Variants in COLEC10 observed in about 807,000 individuals in gnomAD.
The protein encoded by COLEC10 is collectin subfamily member 10.
In COLEC10, 22 loss-of-function variants were observed where a neutral mutation model predicts 28.4. The ratio of observed to expected loss-of-function variants is 0.78; its 90% CI spans 0.55 to 1.11. COLEC10 has a LOEUF of 1.11. Among genes scored for constraint, COLEC10 ranks in the 50% least tolerant of loss-of-function variants. The pLI is 0.00. For synonymous variants in COLEC10, 125 were observed against 116.1 expected (o/e 1.08, Z -0.49); for missense variants, 361 against 344.1 (o/e 1.05, Z -0.39).
intron 2 of COLEC10, among the ~76,000 whole-genome samples, chr8:119,024,259 C>T (rs1450024317): frequency 1.3e-5 from 2 of 152,034 alleles, no homozygotes; most frequent in Admixed American, 1.3e-4. Flanking sequence ...GAGGCCTTCG[C>T]TCTTGCCGTT....
chr8:119,044,603 G>C (rs1814555591), intron 2 of COLEC10, among the ~76,000 whole-genome samples: 1 of 152,132 alleles, frequency 6.6e-6, no homozygotes, highest in Non-Finnish European at 1.5e-5. Flanking sequence ...CCAGCACTTT[G>C]GGAGGCCAGC....
chr8:119,102,221 TCCCTC>T, intron 3 of COLEC10, 122 bp from the exon 4 acceptor site: 3 of 168,938 alleles, frequency 1.8e-5, no homozygotes, highest in South Asian at 1.2e-4. Context: ...CCTCCCTCCC[TCCCTC>T]CCTCCCTCCC....
At chr8:118,974,073 C>A in the COLEC10 span, among the ~76,000 whole-genome samples, 2 of 151,902 alleles carry the variant, frequency 1.3e-5, no homozygotes, top group Non-Finnish European at 2.9e-5. Flanking sequence ...TTAATTCAGG[C>A]TTTTGCTCCA....
chr8:118,976,321 A>T, the COLEC10 span, among the ~76,000 whole-genome samples: 1 of 152,038 alleles, frequency 6.6e-6, no homozygotes, highest in African/African-American at 2.4e-5. Flanking sequence ...CCTGCATCCT[A>T]GTCCTAGAGT....
chr8:118,989,577 A>ACACC, the COLEC10 span, among the ~76,000 whole-genome samples: 57 of 137,462 alleles, frequency 4.1e-4, no homozygotes, highest in African/African-American at 8.1e-4. Context: ...ACACACACAC[A>ACACC]CCCCTACCTA....
chr8:119,056,414 T>A (rs936650709), intron 2 of COLEC10, among the ~76,000 whole-genome samples: 1 of 152,078 alleles, frequency 6.6e-6, no homozygotes, highest in Non-Finnish European at 1.5e-5. Flanking sequence ...TTGATTAACT[T>A]AACTGTCTTG....
chr8:119,007,142 C>T (rs1260211498), intron 1 of COLEC10, among the ~76,000 whole-genome samples: 5 of 152,102 alleles, frequency 3.3e-5, no homozygotes, highest in African/African-American at 4.8e-5. Flanking sequence ...CTAGGAATAT[C>T]GCCAAACCAC....
chr8:118,993,326 T>C (rs1586986366), upstream of COLEC10, among the ~76,000 whole-genome samples: 2 of 152,120 alleles, frequency 1.3e-5, no homozygotes, highest in Admixed American at 1.3e-4. Context: ...ATCTTTCTTC[T>C]TCTTGTTTTT....
chr8:119,103,951 C>T, intron 5 of COLEC10, 56 bp downstream of exon 5: 2 of 1,112,676 alleles, frequency 1.8e-6, no homozygotes, highest in Non-Finnish European at 2.8e-6. Context: ...ATCAACACTA[C>T]AATTCCAGTA....
chr8:118,984,659 A>G, the COLEC10 span, among the ~76,000 whole-genome samples: 4 of 152,106 alleles, frequency 2.6e-5, no homozygotes, highest in East Asian at 7.7e-4. Context: ...GATTGGACTG[A>G]TGTGTCTATA....
At chr8:119,072,895 A>C (rs1038188335) in intron 1 of COLEC10, among the ~76,000 whole-genome samples, 3 of 152,234 alleles carry the variant, frequency 2.0e-5, no homozygotes, top group Non-Finnish European at 4.4e-5. Context: ...CTATTTGGCC[A>C]TCCACTATTT....
At position 119,103,804 on chromosome 8, in the gene COLEC10, T is replaced by A. The variant is rs768505031; in HGVS notation, c.351T>A (p.Thr117=). Residue 117 remains threonine, a synonymous_variant, in exon 5 of 6, where the codon ACT becomes ACA. Coordinates refer to ENST00000332843, the MANE Select transcript of COLEC10 (RefSeq NM_006438.5). ...ACAGTTTTTGTCATTTAAAAGGTAC[T>A]GTCTGTGATTGTGGAAGATACCGGA... The part of the protein sequence containing the change: ...GIPGEKGKAG[T]VCDCGRYRKF... 5.6e-6 allele frequency: 9 copies of A among 1,604,078 alleles called. No homozygotes were observed. The East Asian group carries it at 2.0e-4, about 36-fold the overall frequency.
intron 2 of COLEC10, among the ~76,000 whole-genome samples, chr8:119,021,315 T>C (rs1428560582): frequency 6.6e-6 from 1 of 152,204 alleles, no homozygotes; most frequent in Non-Finnish European, 1.5e-5. Flanking sequence ...AAACATTTCT[T>C]AAAGGGCTGT....
intron 2 of COLEC10, among the ~76,000 whole-genome samples, chr8:119,059,066 A>G (rs1814809836): frequency 6.6e-6 from 1 of 151,998 alleles, no homozygotes; most frequent in Non-Finnish European, 1.5e-5. Flanking sequence ...CCATTTAAAA[A>G]TTTTGCCCAT....
chr8:119,087,030 A>C (rs1410974523), intron 1 of COLEC10, among the ~76,000 whole-genome samples: 1 of 152,194 alleles, frequency 6.6e-6, no homozygotes, highest in African/African-American at 2.4e-5. Flanking sequence ...AAAATGGAGC[A>C]AAGGATAGTA....
the COLEC10 span, among the ~76,000 whole-genome samples, chr8:118,982,030 T>A: frequency 6.6e-6 from 1 of 152,086 alleles, no homozygotes; most frequent in African/African-American, 2.4e-5. Flanking sequence ...GATAGTTTTA[T>A]TGTTAATTAT....
chr8:119,093,804 G>A (rs1815658322), intron 3 of COLEC10, among the ~76,000 whole-genome samples: 1 of 152,090 alleles, frequency 6.6e-6, no homozygotes, highest in South Asian at 2.1e-4. Context: ...TTTTAAAAGA[G>A]TACAATTCCA....
intron 1 of COLEC10, among the ~76,000 whole-genome samples, chr8:119,089,042 G>A (rs572457220): frequency 5.9e-4 from 90 of 152,246 alleles, no homozygotes; most frequent in South Asian, 1.9e-3. Flanking sequence ...CTCAATCACC[G>A]GCCTGTTGAA....
Position 119,106,941 on chromosome 8 carries a change from T to C in COLEC10, c.*750T>C, listed in dbSNP as rs186148376. Among the ~76,000 whole-genome samples, 94 of 152,172 alleles carry C rather than the reference T, an allele frequency of 6.2e-4. No individual in the cohort carries two copies. Among genetic ancestry groups the C allele is most frequent in the Middle Eastern group, 3.4e-3 (1 of 294 alleles). The stretch of plus-strand genomic sequence containing the variant: ...TAGTCACACTTTGATTTAAGAAAAA[T>C]GGAGCTCTTGAAATCAAAAGAAAAA... On this transcript the variant is annotated 3_prime_UTR_variant, in exon 6 of 6. Transcript: ENST00000332843.
Sources: gnomAD v4.1 joint callset for allele counts (sites outside exome capture counted in the v4.1 genomes callset) on GRCh38, gnomAD v4.1.1 for gene constraint, MANE v1.5 for transcripts, NCBI Gene and HGNC (gene_info 2026-07-23, HGNC 2026-07-21) for gene names.